ARVCF: variants seen among roughly 807,000 people sequenced by gnomAD.
ARVCF encodes the protein splicing regulator ARVCF.
Under a neutral mutation model 90.9 loss-of-function variants are expected in ARVCF, and 66 were observed. The observed-to-expected ratio is 0.73, with a 90% CI of 0.60 to 0.89. The LOEUF is 0.89. Among genes scored for constraint, ARVCF ranks in the 40% least tolerant of loss-of-function variants. ARVCF has a pLI of 0.00. For missense variants in ARVCF, 1,469 were observed against 1,382.3 expected (o/e 1.06, Z -1.00); for synonymous variants, 653 against 603.4 (o/e 1.08, Z -1.21).
In ARVCF at chr22:19,973,661, G is replaced by T. The variant is rs759557885; in HGVS notation, c.2221C>A (p.Arg741Ser). ...TCCTCACCGATGAGGTCTTTGTTGCGCCGGTCCAGCGAGAGGTTGCGCAGA... is the reference window on the plus strand; with the variant it reads ...TCCTCACCGATGAGGTCTTTGTTGCTCCGGTCCAGCGAGAGGTTGCGCAGA... Reference protein sequence around the residue: ...IALRNLSLDRRNKDLIGSYAM... With the variant: ...IALRNLSLDRSNKDLIGSYAM... The change falls in exon 13 of 20, where the codon CGC (arginine) becomes AGC (serine). Residue 741 changes from arginine to serine, a missense_variant. By Grantham distance (110) the Arg-to-Ser change is moderately radical. Transcript: ENST00000263207. 3.7e-6 allele frequency: 6 copies of T among 1,609,372 alleles called. No individual in the cohort carries two copies. The highest frequency in any genetic ancestry group is 4.2e-6 in the Non-Finnish European group (5 of 1,178,888).
Position 19,970,294 on chromosome 22 carries a change from G to A in ARVCF, c.*462C>T. 3 of 994,474 alleles carry A rather than the reference G, an allele frequency of 3.0e-6. No homozygotes were observed. The highest frequency in any genetic ancestry group is 2.4e-6 in the Non-Finnish European group (2 of 835,170). 61.6% of individuals were successfully genotyped at this position (994,474 alleles called of 1,614,324 possible). A position where few individuals can be genotyped will look rare whatever the true frequency, so the allele number is the denominator to read the frequency against. The stretch of plus-strand genomic sequence containing the variant: ...TCTGCCTGCCTGCAGGGTGCCCAGG[G>A]AGACCCTCCGCCTTTAGAAGTCCAA... On this transcript the variant is annotated 3_prime_UTR_variant, in exon 20 of 20. Transcript: ENST00000263207.
chr22:19,981,243 C>A lies in ARVCF; in HGVS notation c.864G>T (p.Arg288Ser). ...GAAGGCCCCGCCCACACTCAGGCCT[C>A]CTCCTTGTGGCCGTGCCATAGTCAG... ...LEPDYGTATRRRPECGRGLHT... is the reference protein window; with the variant it reads ...LEPDYGTATRSRPECGRGLHT... The change falls in exon 5 of 20, where the codon AGG becomes AGT. Residue 288 changes from arginine (R) to serine (S), a missense_variant. Physicochemically the swap from Arg to Ser is moderately radical, Grantham distance 110. Transcript: ENST00000263207. 1 of 1,556,846 alleles carries A rather than the reference C, an allele frequency of 6.4e-7. No individual in the cohort carries two copies. Among genetic ancestry groups the A allele is most frequent in the African/African-American group, 1.4e-5 (1 of 73,390 alleles).
chr22:19,972,732 C>T lies in ARVCF; in HGVS notation c.2641+5G>A. On this transcript the variant is annotated splice_donor_5th_base_variant and intron_variant, in intron 16 of 19. Coordinates refer to ENST00000263207, the MANE Select transcript of ARVCF (RefSeq NM_001670.3). ...CCTCTAGGCTCCCTAAGCTCCACCA[C>T]TCACCAAGGCTCTTGTCCACCAGTG... The T allele has an allele frequency of 6.2e-7, 1 of 1,605,850 alleles. No individual in the cohort carries two copies. The highest frequency in any genetic ancestry group is 1.1e-5 in the South Asian group (1 of 89,728).
rs571190903 is a variant in ARVCF, at chr22:20,015,883, G to A, written c.-73+706C>T. ...GCTAAGAAACGGTGAAATATTGTAA[G>A]CAGCCAATATTTAATTATTTAAAAA... On this transcript the variant is annotated intron_variant, in intron 1 of 19. Transcript: ENST00000263207. Among the ~76,000 whole-genome samples, 8 of 152,344 alleles carry A rather than the reference G, an allele frequency of 5.3e-5. No homozygotes were observed. In the South Asian group the frequency reaches 1.7e-3, roughly 32 times the overall value.
intron 8 of ARVCF, among the ~76,000 whole-genome samples, 170 bp downstream of exon 8, chr22:19,977,788 G>A (rs1234342386): frequency 6.6e-6 from 1 of 152,228 alleles, no homozygotes; most frequent in African/African-American, 2.4e-5. Flanking sequence ...CCTTCTGCCT[G>A]CAGGACGGTG....
intron 1 of ARVCF, among the ~76,000 whole-genome samples, chr22:20,013,027 T>C (rs1056528625): frequency 6.6e-6 from 1 of 152,276 alleles, no homozygotes; most frequent in Non-Finnish European, 1.5e-5. Context: ...GTCTCCTCGC[T>C]TCCTGCTCTA....
chr22:19,971,397 G>T, intron 18 of ARVCF, 62 bp from the exon 19 acceptor site: 9 of 1,511,196 alleles, frequency 6.0e-6, no homozygotes, highest in South Asian at 1.3e-5. Flanking sequence ...CTCCTGGGGG[G>T]ACAGGGCAGG....
At chr22:19,971,737 G>A (rs760283057) in intron 18 of ARVCF, 149 bp downstream of exon 18, 8 of 784,592 alleles carry the variant, frequency 1.0e-5, no homozygotes, top group South Asian at 8.0e-5. Context: ...AGACTGACTG[G>A]CGTGAAGGGG....
intron 3 of ARVCF, among the ~76,000 whole-genome samples, chr22:19,985,426 AC>A (rs1943713977): frequency 1.3e-5 from 2 of 151,646 alleles, no homozygotes; most frequent in South Asian, 4.2e-4. Flanking sequence ...TAGACCACCT[AC>A]CCCTGCTCAC....
At chr22:19,979,290 G>C (rs1044261503) in intron 6 of ARVCF, 4 of 608,214 alleles carry the variant, frequency 6.6e-6, no homozygotes, top group East Asian at 5.7e-5. Context: ...GTGCAGAGGA[G>C]GGTGTGGCAG....
downstream of ARVCF, chr22:19,968,538 A>C: frequency 6.2e-7 from 1 of 1,608,906 alleles, no homozygotes. Flanking sequence ...GTTTGCAGGA[A>C]TGTGGCCTGC....
chr22:19,985,562 C>A (rs60136272), intron 3 of ARVCF, among the ~76,000 whole-genome samples: 1 of 152,358 alleles, frequency 6.6e-6, no homozygotes, highest in South Asian at 2.1e-4. Flanking sequence ...GTGGGACGTG[C>A]TGGGTAGCAT....
rs757741348 is a variant in ARVCF at position 19,974,070 on chromosome 22, C to T, written c.2088+42G>A. On this transcript the variant is annotated intron_variant, in intron 12 of 19. Coordinates refer to ENST00000263207, the MANE Select transcript of ARVCF (RefSeq NM_001670.3). ...GCACCAGTGAGGTGCCTGGGATTCC[C>T]TCTCTCAGGACTTGCCCACCCTGCC... 61 of 1,572,580 alleles carry T rather than the reference C, an allele frequency of 3.9e-5. 3 individuals carry two copies. In the South Asian group the frequency reaches 6.6e-4, roughly 17 times the overall value.
At chr22:19,995,302 G>C (rs570453433) in intron 2 of ARVCF, among the ~76,000 whole-genome samples, 1 of 151,950 alleles carries the variant, frequency 6.6e-6, no homozygotes, top group Non-Finnish European at 1.5e-5. Flanking sequence ...AGAATGTGTA[G>C]GAGGGTGGGC....
chr22:19,987,072 CCTGT>C (rs769682674), intron 3 of ARVCF: 28 of 634,390 alleles, frequency 4.4e-5, no homozygotes, highest in Middle Eastern at 2.5e-4. Flanking sequence ...TTCCCTCCAA[CCTGT>C]CTGAGTTCGG....
chr22:19,968,692 G>A (rs754537148), downstream of ARVCF: 4 of 1,613,716 alleles, frequency 2.5e-6, no homozygotes, highest in African/African-American at 1.3e-5. Context: ...GGACGGCCTG[G>A]AGAAGGCCAT....
chr22:19,975,477 A>G (rs1271354670), intron 11 of ARVCF, among the ~76,000 whole-genome samples: 1 of 152,190 alleles, frequency 6.6e-6, no homozygotes, highest in Non-Finnish European at 1.5e-5. Context: ...CTTGCCTGAC[A>G]TGACCCATGG....
intron 10 of ARVCF, among the ~76,000 whole-genome samples, 174 bp from the exon 11 acceptor site, chr22:19,975,931 T>G (rs1040843325): frequency 8.5e-5 from 13 of 152,100 alleles, no homozygotes; most frequent in African/African-American, 3.1e-4. Flanking sequence ...CAGTTTAGCC[T>G]AGGGGTAGGA....
Position 19,973,328 on chromosome 22 carries a change from G to T in ARVCF, c.2240-11C>A. On this transcript the variant is annotated splice_polypyrimidine_tract_variant and intron_variant, in intron 13 of 19. Coordinates refer to ENST00000263207, the MANE Select transcript of ARVCF (RefSeq NM_001670.3). Reference sequence around the variant, plus strand: ...CCATGGCGTAGCTCCCTGAGGGGCAGGACTAGGTGTCAGAACACACCTCTG... The same window carrying T: ...CCATGGCGTAGCTCCCTGAGGGGCATGACTAGGTGTCAGAACACACCTCTG... 6.3e-7 allele frequency: 1 copy of T among 1,586,298 alleles called. No individual in the cohort carries two copies. Among genetic ancestry groups the T allele is most frequent in the East Asian group, 2.3e-5 (1 of 44,008 alleles).
Sources: allele counts gnomAD v4.1 joint callset (sites outside exome capture counted in the v4.1 genomes callset), GRCh38; gene constraint gnomAD v4.1.1; transcripts MANE v1.5; gene names NCBI Gene and HGNC (gene_info 2026-07-23, HGNC 2026-07-21).